PCDHGA5: variants seen among roughly 807,000 people sequenced by gnomAD.
PCDHGA5 encodes the protein protocadherin gamma-A5.
PCDHGA5 carries 36 observed loss-of-function variants against 56.7 expected under a neutral mutation model. That is an observed-to-expected ratio of 0.64 (90% CI 0.49 to 0.84). The LOEUF (loss-of-function observed/expected upper bound fraction) is 0.84, where lower values mean the gene tolerates loss of function less well. Ranked by LOEUF, PCDHGA5 falls within the 40% of genes least tolerant of loss-of-function variation. PCDHGA5 has a pLI of 0.00. For missense variants in PCDHGA5, 1,305 were observed against 1,201.5 expected, an observed-to-expected ratio of 1.09 and a Z score of -1.27; for synonymous variants, 563 against 520.2, an observed-to-expected ratio of 1.08 and a Z score of -1.12.
rs1769382213 is a variant in PCDHGA5 at position 141,373,189 on chromosome 5, T to C, written c.2421+6438T>C. On this transcript the variant is annotated intron_variant, in intron 1 of 3. Coordinates refer to ENST00000518069, the MANE Select transcript of PCDHGA5 (RefSeq NM_018918.3). The stretch of plus-strand genomic sequence containing the variant: ...GTCAATCCTAAAATATATGAAACAT[T>C]ATGTATATCTTAACACATTTTTAAT... 2.0e-5 allele frequency among the ~76,000 whole-genome samples: 3 copies of C among 152,380 alleles called. No individual in the cohort carries two copies. In the Middle Eastern group the frequency reaches 0.01, roughly 518 times the overall value.
chr5:141,400,080 C>T (rs375308173), intron 1 of PCDHGA5: 219 of 1,614,010 alleles, frequency 1.4e-4, no homozygotes, highest in East Asian at 2.9e-4. Flanking sequence ...CGCCACTCTC[C>T]GCCACCGCCA....
At position 141,375,481 on chromosome 5, in the gene PCDHGA5, CA is replaced by C. The variant is rs140643836; in HGVS notation, c.2421+8731del. 6.2e-4 allele frequency: 1,002 copies of C among 1,614,010 alleles called. 20 individuals are homozygous for C. The East Asian group carries it at 0.02, about 31-fold the overall frequency. On this transcript the variant is annotated intron_variant, in intron 1 of 3. Transcript: ENST00000518069. ...CAGTCTATGTCCTTGAAAACAACCC[CA>C]GGGGTGCCTCCATCTTCTCTGTGAA...
intron 1 of PCDHGA5, chr5:141,388,084 G>A (rs2091232719): frequency 7.3e-7 from 1 of 1,364,538 alleles, no homozygotes; most frequent in Admixed American, 2.0e-5. Context: ...CGAAAACTGC[G>A]CGTCAGTTCG....
intron 1 of PCDHGA5, chr5:141,422,676 A>C (rs1245488589): frequency 6.2e-7 from 1 of 1,606,500 alleles, no homozygotes; most frequent in Admixed American, 1.7e-5. Flanking sequence ...CGGACAGCAA[A>C]CAGAATGCCC....
chr5:141,476,666 G>T lies in PCDHGA5; in HGVS notation c.2422-18141G>T. 9 of 1,614,246 alleles carry T rather than the reference G, an allele frequency of 5.6e-6. No homozygotes were observed. Among genetic ancestry groups the T allele is most frequent in the Non-Finnish European group, 7.6e-6 (9 of 1,180,044 alleles). ...CCGAAATGAATACTTTGCGCTTCGC[G>T]TGCAGACGCGGGAGGACAGCACCAA... On this transcript the variant is annotated intron_variant, in intron 1 of 3. Transcript: ENST00000518069. This position sits in a 1 kb window ranked among gnomAD's most constrained non-coding sequence, Gnocchi z 7.6.
At chr5:141,480,745 C>T (rs528415324) in intron 1 of PCDHGA5, among the ~76,000 whole-genome samples, 1 of 152,278 alleles carries the variant, frequency 6.6e-6, no homozygotes, top group Non-Finnish European at 1.5e-5. Flanking sequence ...ACATAGGCAT[C>T]ATTTTTTGAA....
intron 1 of PCDHGA5, chr5:141,413,690 A>G (rs553462819): frequency 6.2e-7 from 1 of 1,613,702 alleles, no homozygotes; most frequent in Non-Finnish European, 8.5e-7. Flanking sequence ...AACTCCCTGC[A>G]GAGCTATCAG....
intron 1 of PCDHGA5, among the ~76,000 whole-genome samples, chr5:141,369,231 A>T (rs1421250665): frequency 1.3e-5 from 2 of 152,188 alleles, no homozygotes; most frequent in Non-Finnish European, 2.9e-5. Context: ...GGACAGGAAG[A>T]TTACTTATAT....
chr5:141,490,476 G>A lies in PCDHGA5; in HGVS notation c.2422-4331G>A. 1 of 1,614,208 alleles carries A rather than the reference G, an allele frequency of 6.2e-7. No homozygotes were observed. The highest frequency in any genetic ancestry group is 8.5e-7 in the Non-Finnish European group (1 of 1,180,046). On this transcript the variant is annotated intron_variant, in intron 1 of 3. Transcript: ENST00000518069. The surrounding 1 kb of genome is among the most constrained non-coding windows in gnomAD (Gnocchi z 5.4). ...ACTCGCTGCTAACCAGCCAGCCTTT[G>A]GACCGGGAGGCCACATCCCACTATA...
chr5:141,498,880 C>G (rs1334510457), intron 2 of PCDHGA5, among the ~76,000 whole-genome samples: 1 of 150,028 alleles, frequency 6.7e-6, no homozygotes, highest in African/African-American at 2.4e-5. Flanking sequence ...TTGCAGTGAG[C>G]TGAGATCACA....
rs2233600 is a variant in PCDHGA5, at chr5:141,489,134, A to C, written c.2422-5673A>C. 9,827 of 731,232 alleles carry C rather than the reference A, an allele frequency of 0.013. 1,099 individuals are homozygous for C. The East Asian group carries it at 0.25, about 19-fold the overall frequency. The allele number at this position is 731,232 out of a possible 1,614,324, so 45.3% of individuals were successfully genotyped here. A position where few individuals can be genotyped will look rare whatever the true frequency, so the allele number is the denominator to read the frequency against. Reference sequence around the variant, plus strand: ...GGCAAACCTCCGAGCAGTTTTTAAGAGGCTGGAAGGAGACATAAGAGACTT... The same window carrying C: ...GGCAAACCTCCGAGCAGTTTTTAAGCGGCTGGAAGGAGACATAAGAGACTT... On this transcript the variant is annotated intron_variant, in intron 1 of 3. Transcript: ENST00000518069. The surrounding 1 kb of genome is among the most constrained non-coding windows in gnomAD (Gnocchi z 4.5).
intron 1 of PCDHGA5, chr5:141,372,553 G>T: frequency 6.2e-7 from 1 of 1,613,978 alleles, no homozygotes; most frequent in Non-Finnish European, 8.5e-7. Flanking sequence ...TGCTCCTCCA[G>T]ACCCGCCACT....
chr5:141,387,570 A>G, intron 1 of PCDHGA5: 1 of 455,170 alleles, frequency 2.2e-6, no homozygotes, highest in South Asian at 4.2e-5. Flanking sequence ...CACAATTATA[A>G]TTATTGCACT....
At chr5:141,371,738 C>A (rs765693064) in intron 1 of PCDHGA5, 9 of 1,613,934 alleles carry the variant, frequency 5.6e-6, no homozygotes, top group African/African-American at 1.3e-5. Context: ...TCAACGACAA[C>A]GTTCCCGTTT....
intron 1 of PCDHGA5, chr5:141,407,957 G>C (rs1166490050): frequency 1.5e-6 from 1 of 660,376 alleles, no homozygotes; most frequent in African/African-American, 1.8e-5. Flanking sequence ...GGCCAGTGCA[G>C]AGCAAGCGCT....
chr5:141,405,437 T>A, intron 1 of PCDHGA5: 1 of 1,433,230 alleles, frequency 7.0e-7, no homozygotes, highest in Non-Finnish European at 9.6e-7. Context: ...GTTTTGTTTT[T>A]GAGACAGAGT....
chr5:141,388,522 C>G, intron 1 of PCDHGA5: 1 of 1,613,868 alleles, frequency 6.2e-7, no homozygotes, highest in East Asian at 2.2e-5. Flanking sequence ...TTGACTTTGA[C>G]TGCCTTGGAC....
At chr5:141,405,226 C>T (rs756970325) in intron 1 of PCDHGA5, 6 of 1,613,934 alleles carry the variant, frequency 3.7e-6, no homozygotes, top group Admixed American at 3.3e-5. Context: ...AGGAGTTCTC[C>T]CTCACCGCTG....
chr5:141,399,405 G>A (rs768053678), intron 1 of PCDHGA5: 1 of 1,613,974 alleles, frequency 6.2e-7, no homozygotes, highest in Admixed American at 1.7e-5. Flanking sequence ...GGGGCAAGCC[G>A]CCCCTCTCCT....
Sources: allele counts gnomAD v4.1 joint callset (sites outside exome capture counted in the v4.1 genomes callset), GRCh38; gene constraint gnomAD v4.1.1; non-coding constraint Gnocchi (gnomAD v3.1); transcripts MANE v1.5; gene names NCBI Gene and HGNC (gene_info 2026-07-23, HGNC 2026-07-21).